The following SETD5 variants were observed in gnomAD, a reference collection of about 807,000 sequenced individuals.
SETD5 encodes SET domain containing 5, also known as histone-lysine N-methyltransferase SETD5.
A neutral mutation model predicts 153.3 loss-of-function variants in SETD5; 44 were observed. The ratio of observed to expected loss-of-function variants is 0.29; its 90% CI spans 0.23 to 0.37. SETD5 has a LOEUF of 0.37. SETD5 is among the 10% of genes least tolerant of loss of function. The probability of loss-of-function intolerance (pLI) is 1.00; values close to 1 mark genes in which losing one functional copy is unlikely to be tolerated. For synonymous variants in SETD5, 716 were observed against 645.2 expected (o/e 1.11, Z -1.66); for missense variants, 1,544 against 1,768.0 (o/e 0.87, Z 2.27).
intron 18 of SETD5, chr3:9,468,414 G>GA: frequency 2.0e-6 from 2 of 990,678 alleles, no homozygotes; most frequent in Non-Finnish European, 1.4e-6. Flanking sequence ...CCCCGCCCCC[G>GA]AAAAAAGTTA....
intron 16 of SETD5, among the ~76,000 whole-genome samples, chr3:9,452,701 A>ATTTTTTTTTTTTTTTTT (rs2042771361): frequency 2.0e-5 from 1 of 50,860 alleles, no homozygotes; most frequent in Non-Finnish European, 3.9e-5. Flanking sequence ...ATTTTTGTGG[A>ATTTTTTTTTTTTTTTTT]TTGTTTCCTA....
In SETD5 at chr3:9,448,469, C is replaced by G; in HGVS notation, c.2185C>G (p.Pro729Ala). 1.2e-6 allele frequency: 2 copies of G among 1,613,986 alleles called. No homozygotes were observed. The highest frequency in any genetic ancestry group is 1.1e-5 in the South Asian group (1 of 91,078). ...GTGCCCTTTACGTATCACAACGGATCCAACTGTACTGGCAACGACCCTAAA... is the reference window on the plus strand; with the variant it reads ...GTGCCCTTTACGTATCACAACGGATGCAACTGTACTGGCAACGACCCTAAA... ...VECPLRITTD[P>A]TVLATTLNML... The change falls in exon 16 of 23, where the codon CCA (proline) becomes GCA (alanine). Residue 729 changes from proline to alanine, a missense_variant. Coordinates refer to ENST00000402198, the MANE Select transcript of SETD5 (RefSeq NM_001080517.3).
intron 20 of SETD5, 98 bp downstream of exon 20, chr3:9,473,635 T>C: frequency 8.0e-7 from 1 of 1,247,412 alleles, no homozygotes; most frequent in Non-Finnish European, 1.1e-6. Context: ...TGGGAACACT[T>C]GATGGGAACA....
At chr3:9,439,969 G>T (rs2041068862) in intron 7 of SETD5, among the ~76,000 whole-genome samples, 1 of 152,134 alleles carries the variant, frequency 6.6e-6, no homozygotes, top group East Asian at 1.9e-4. Flanking sequence ...AATAATAAGT[G>T]ATACAAAAAC....
At chr3:9,465,197 A>G (rs2044411211) in intron 18 of SETD5, among the ~76,000 whole-genome samples, 1 of 152,212 alleles carries the variant, frequency 6.6e-6, no homozygotes, top group Non-Finnish European at 1.5e-5. Context: ...TTTCCACTCC[A>G]GGTTACTTTC....
At chr3:9,412,387 G>GTTT (rs370566998) in intron 1 of SETD5, among the ~76,000 whole-genome samples, 4,487 of 89,464 alleles carry the variant, frequency 0.05, 313 homozygotes, top group Non-Finnish European at 0.082. Context: ...ACAGTTTTGG[G>GTTT]TTTTTTTTTT....
intron 8 of SETD5, 101 bp downstream of exon 8, chr3:9,440,799 GC>G: frequency 7.1e-7 from 1 of 1,404,138 alleles, no homozygotes; most frequent in Non-Finnish European, 9.5e-7. Context: ...AATGTACAAG[GC>G]CATGGAATAA....
chr3:9,459,015 T>C (rs909454935), intron 17 of SETD5, among the ~76,000 whole-genome samples: 1 of 152,150 alleles, frequency 6.6e-6, no homozygotes, highest in Admixed American at 6.5e-5. Flanking sequence ...TCCTGTAGCC[T>C]AAAAATCTAT....
intron 18 of SETD5, among the ~76,000 whole-genome samples, chr3:9,470,147 G>A (rs919331774): frequency 2.0e-5 from 3 of 152,160 alleles, no homozygotes; most frequent in Non-Finnish European, 4.4e-5. Flanking sequence ...AGTACAAGGT[G>A]ACTCAGCAAC....
chr3:9,465,994 A>G (rs1306045226), intron 18 of SETD5, among the ~76,000 whole-genome samples: 2 of 152,184 alleles, frequency 1.3e-5, no homozygotes, highest in African/African-American at 4.8e-5. Context: ...TGGAATTATG[A>G]AAATTAGAAG....
chr3:9,445,296 A>C lies in SETD5; in HGVS notation c.1436A>C (p.His479Pro), dbSNP rs1025258082. The C allele has an allele frequency of 1.9e-6, 3 of 1,602,938 alleles. No homozygotes were observed. The highest frequency in any genetic ancestry group is 3.4e-5 in the Admixed American group (2 of 58,104). ...GAAAAAGTAACTGTATCCAGTGATC[A>C]TGAGGTAATCGCCCCTGGTCAAATG... ...VPEKVTVSSD[H>P]EEVDNPEEKP... Residue 479 changes from histidine (H) to proline (P), a missense_variant, in exon 12 of 23, where the codon CAT becomes CCT. Physicochemically the swap from His to Pro is moderately conservative, Grantham distance 77. Transcript: ENST00000402198.
intron 17 of SETD5, among the ~76,000 whole-genome samples, chr3:9,457,377 C>T (rs1036755986): frequency 6.6e-6 from 1 of 152,034 alleles, no homozygotes; most frequent in Non-Finnish European, 1.5e-5. Flanking sequence ...AGTCCCGCTA[C>T]TCGGGGGGCT....
In SETD5 at chr3:9,475,841, C is replaced by G; in HGVS notation, c.4079C>G (p.Ser1360Ter). 3 of 1,614,060 alleles carry G rather than the reference C, an allele frequency of 1.9e-6. No individual in the cohort carries two copies. The highest frequency in any genetic ancestry group is 1.7e-6 in the Non-Finnish European group (2 of 1,179,894). ...CCCTCAGACTCGCCAACCTCAGATT[C>G]AGTTTCTCAGTCCAGCACAGGAACT... ...QGPSDSPTSD[S>*]VSQSSTGTLS... Residue 1360 changes from serine to a stop codon, truncating the protein, a stop_gained, in exon 23 of 23, where the codon TCA becomes TGA. Coordinates refer to ENST00000402198, the MANE Select transcript of SETD5 (RefSeq NM_001080517.3). LOFTEE classifies it high-confidence loss of function.
intron 19 of SETD5, 22 bp from the exon 20 acceptor site, chr3:9,473,214 T>C (rs1330457698): frequency 1.9e-6 from 3 of 1,603,848 alleles, no homozygotes; most frequent in Non-Finnish European, 1.7e-6. Context: ...CGTTTTTTGT[T>C]TGTTTGTTTT....
chr3:9,460,926 G>A (rs897671443), intron 17 of SETD5, among the ~76,000 whole-genome samples: 4 of 152,114 alleles, frequency 2.6e-5, no homozygotes, highest in African/African-American at 9.7e-5. Flanking sequence ...GGGTGGGTTA[G>A]CAAAGACATG....
At position 9,431,585 on chromosome 3, in the gene SETD5, T is replaced by C. The variant is rs987159911; in HGVS notation, c.72-2260T>C. 24 of 985,582 alleles carry C rather than the reference T, an allele frequency of 2.4e-5. No individual in the cohort carries two copies. The African/African-American group carries it at 2.6e-4, about 11-fold the overall frequency. The allele number at this position is 985,582 out of a possible 1,614,324, so 61.1% of individuals were successfully genotyped here. A position where few individuals can be genotyped will look rare whatever the true frequency, so the allele number is the denominator to read the frequency against. On this transcript the variant is annotated intron_variant, in intron 3 of 22. Transcript: ENST00000402198. ...TGCAGAGTTTCTTCATCAGAAGATA[T>C]GAGTTTAAATTTTATATTTGGCATG...
At chr3:9,446,306 A>AAAAAAAAAAC (rs1553624517) in intron 13 of SETD5, among the ~76,000 whole-genome samples, 1 of 120,178 alleles carries the variant, frequency 8.3e-6, no homozygotes, top group South Asian at 2.6e-4. Flanking sequence ...AAAAAAAAAA[A>AAAAAAAAAAC]AATCTGGTTT....
intron 1 of SETD5, among the ~76,000 whole-genome samples, chr3:9,417,942 GTTT>G (rs777339095): frequency 6.2e-5 from 8 of 128,774 alleles, no homozygotes; most frequent in Admixed American, 1.6e-4. Flanking sequence ...CAAGAGTTTT[GTTT>G]TTTTTTTTTT....
At position 9,475,938 on chromosome 3, in the gene SETD5, C is replaced by T. The variant is rs1396284255; in HGVS notation, c.4176C>T (p.Pro1392=). Residue 1392 remains proline, a synonymous_variant, in exon 23 of 23, where the codon CCC becomes CCT. Coordinates refer to ENST00000402198, the MANE Select transcript of SETD5 (RefSeq NM_001080517.3). ...LPSDLRTISL[P]SAGQSAVYQA... is the part of the protein sequence containing the mutation. ...CAGACTTACGGACTATCAGTCTGCC[C>T]AGTGCTGGGCAGTCAGCTGTCTACC... 3 of 1,613,998 alleles carry T rather than the reference C, an allele frequency of 1.9e-6. No homozygotes were observed. In the South Asian group the frequency reaches 3.3e-5, roughly 18 times the overall value.
Sources: allele counts gnomAD v4.1 joint callset (sites outside exome capture counted in the v4.1 genomes callset), GRCh38; gene constraint gnomAD v4.1.1; transcripts MANE v1.5; gene names NCBI Gene and HGNC (gene_info 2026-07-23, HGNC 2026-07-21).